The following ZNF878 variants were observed in gnomAD, a reference collection of about 807,000 sequenced individuals.
ZNF878 encodes zinc finger protein 878.
Under a neutral mutation model 11.1 loss-of-function variants are expected in ZNF878, and 10 were observed. The ratio of observed to expected loss-of-function variants is 0.90; its 90% CI spans 0.56 to 1.53. The LOEUF (loss-of-function observed/expected upper bound fraction) is 1.53. ZNF878 is among the 40% of genes most tolerant of loss of function. The pLI, the probability that ZNF878 is intolerant of heterozygous loss-of-function variation, is 0.00. For missense variants in ZNF878, 548 were observed against 626.1 expected, an observed-to-expected ratio of 0.88 and a Z score of 1.33; for synonymous variants, 165 against 209.7, an observed-to-expected ratio of 0.79 and a Z score of 1.84.
At chr19:12,052,665 C>G (rs1975562868) in intron 1 of ZNF878, 134 bp downstream of exon 1, 1 of 1,126,094 alleles carries the variant, frequency 8.9e-7, no homozygotes, top group South Asian at 1.9e-5. Flanking sequence ...GACCGAGGGC[C>G]GAGCTGCGCT....
At position 12,044,702 on chromosome 19, in the gene ZNF878, C is replaced by T; in HGVS notation, c.699G>A (p.Gly233=). The T allele has an allele frequency of 6.2e-7, 1 of 1,614,020 alleles. No individual in the cohort carries two copies. The highest frequency in any genetic ancestry group is 8.5e-7 in the Non-Finnish European group (1 of 1,180,008). Residue 233 remains glycine, a synonymous_variant, in exon 4 of 4, where the codon GGG becomes GGA. Transcript: ENST00000547628. ...GERPHKCNIC[G]KAFFSPSSLK... ...ACGAACTGGGAGAAAAAAAGGCTTT[C>T]CCACATATGTTACATTTATGAGGTC... is the stretch of plus-strand genomic sequence containing the variant.
In ZNF878 at chr19:12,044,457, A is replaced by C; in HGVS notation, c.944T>G (p.Leu315Arg). 6.3e-7 allele frequency: 1 copy of C among 1,596,650 alleles called. No individual in the cohort carries two copies. Among genetic ancestry groups the C allele is most frequent in the Non-Finnish European group, 8.5e-7 (1 of 1,173,446 alleles). ...HTGEKPYECK[L>R]CGKGFISSTS... ...GGAAGAAATAAATCCCTTACCACAT[A>C]GCTTACACTCATAGGGTTTCTCTCC... The change falls in exon 4 of 4, where the codon CTA (leucine) becomes CGA (arginine). Residue 315 changes from leucine to arginine, a missense_variant. Physicochemically the swap from Leu to Arg is moderately radical, Grantham distance 102 (BLOSUM62 -2). Around this residue, in one of 3 missense-constraint regions of ZNF878, gnomAD observed 335 missense variants for 358.2 expected, o/e 0.94. Coordinates refer to ENST00000547628, the MANE Select transcript of ZNF878 (RefSeq NM_001080404.3).
Position 12,049,013 on chromosome 19 carries a change from T to C in ZNF878, c.4-2253A>G, listed in dbSNP as rs551870464. ...TAAAAATTAGCTGGGTGTGGTGGTA[T>C]GCACCTGTAGTCCCAGCTACTCGGG... On this transcript the variant is annotated intron_variant, in intron 1 of 3. Transcript: ENST00000547628. Among the ~76,000 whole-genome samples, 3 of 150,424 alleles carry C rather than the reference T, an allele frequency of 2.0e-5. No individual in the cohort carries two copies. The South Asian group carries it at 6.3e-4, about 32-fold the overall frequency.
chr19:12,052,898 G>C lies in ZNF878; in HGVS notation c.-97C>G. The stretch of plus-strand genomic sequence containing the variant: ...CAGAGCAACAGCAGCTACGGCGGAA[G>C]TAACTGGTCCCTCTCGGAGCAAGAA... On this transcript the variant is annotated 5_prime_UTR_variant, in exon 1 of 4. Coordinates refer to ENST00000547628, the MANE Select transcript of ZNF878 (RefSeq NM_001080404.3). 2 of 1,502,168 alleles carry C rather than the reference G, an allele frequency of 1.3e-6. No individual in the cohort carries two copies. The highest frequency in any genetic ancestry group is 1.8e-6 in the Non-Finnish European group (2 of 1,118,076). 93.1% of individuals were successfully genotyped at this position (1,502,168 alleles called of 1,614,324 possible).
In ZNF878 at chr19:12,044,430, G is replaced by A. The variant is rs1477423802; in HGVS notation, c.971C>T (p.Thr324Ile). Residue 324 changes from threonine to isoleucine, a missense_variant, in exon 4 of 4, where the codon ACT becomes ATT. Transcript: ENST00000547628. The stretch of plus-strand genomic sequence containing the variant: ...AGTCTTTTCATGATAGCGAAAGGAA[G>A]TGGAAGAAATAAATCCCTTACCACA... ...KLCGKGFISSTSFRYHEKTHT... is the reference protein window; with the variant it reads ...KLCGKGFISSISFRYHEKTHT... The A allele has an allele frequency of 6.2e-7, 1 of 1,613,218 alleles. No individual in the cohort carries two copies.
chr19:12,044,826 A>G lies in ZNF878; in HGVS notation c.575T>C (p.Ile192Thr), dbSNP rs2145519350. ...TTCATAGGGTTTTTTTGCAGAGTGGATTCTTTCATGTCTACGAACAGAACT... is the reference window on the plus strand; with the variant it reads ...TTCATAGGGTTTTTTTGCAGAGTGGGTTCTTTCATGTCTACGAACAGAACT... ...FPSSVRRHER[I>T]HSAKKPYECK... Residue 192 changes from isoleucine to threonine, a missense_variant, in exon 4 of 4, where the codon ATC (isoleucine) becomes ACC (threonine). Coordinates refer to ENST00000547628, the MANE Select transcript of ZNF878 (RefSeq NM_001080404.3). 1 of 1,613,996 alleles carries G rather than the reference A, an allele frequency of 6.2e-7. No homozygotes were observed. The highest frequency in any genetic ancestry group is 2.2e-5 in the East Asian group (1 of 44,884).
At chr19:12,051,335 T>C (rs1975550050) in intron 1 of ZNF878, among the ~76,000 whole-genome samples, 1 of 152,152 alleles carries the variant, frequency 6.6e-6, no homozygotes, top group African/African-American at 2.4e-5. Flanking sequence ...CTAAATTGTA[T>C]AATTAATTTA....
chr19:12,052,961 T>G lies in ZNF878; in HGVS notation c.-160A>C, dbSNP rs959193261. 2 of 1,327,868 alleles carry G rather than the reference T, an allele frequency of 1.5e-6. No individual in the cohort carries two copies. The allele number at this position is 1,327,868 out of a possible 1,614,324, so 82.3% of individuals were successfully genotyped here. A position where few individuals can be genotyped will look rare whatever the true frequency, so the allele number is the denominator to read the frequency against. ...TAACTAGCGCGAGCAGCCCTAGGAG[T>G]GAAGAGAGCGGGAATGCAACCTCCC... On this transcript the variant is annotated 5_prime_UTR_variant, in exon 1 of 4. Transcript: ENST00000547628.
At chr19:12,048,499 C>A (rs1383966890) in intron 1 of ZNF878, among the ~76,000 whole-genome samples, 1 of 146,938 alleles carries the variant, frequency 6.8e-6, no homozygotes, top group African/African-American at 2.5e-5. Flanking sequence ...GCCTGGGCGA[C>A]TGAACGAGAC....
intron 1 of ZNF878, among the ~76,000 whole-genome samples, chr19:12,050,338 A>G (rs903691402): frequency 1.3e-5 from 2 of 152,330 alleles, no homozygotes; most frequent in South Asian, 4.1e-4. Flanking sequence ...ATAAATTTCT[A>G]ATCTGTGGCC....
intron 1 of ZNF878, among the ~76,000 whole-genome samples, chr19:12,051,632 C>A (rs960861368): frequency 4.6e-5 from 7 of 152,014 alleles, no homozygotes; most frequent in African/African-American, 1.7e-4. Context: ...ATTGGCCGGG[C>A]GCAGTGGCTC....
chr19:12,046,519 G>T lies in ZNF878; in HGVS notation c.131-91C>A, dbSNP rs4804176. On this transcript the variant is annotated intron_variant, in intron 2 of 3. Coordinates refer to ENST00000547628, the MANE Select transcript of ZNF878 (RefSeq NM_001080404.3). ...TCTATGTCCATGGCTCATTGCACCT[G>T]TGTCTCATTTATTCAAAGTATTCCC... The T allele has an allele frequency of 3.9e-6, 6 of 1,556,926 alleles. No homozygotes were observed. In the East Asian group the frequency reaches 1.4e-4, roughly 35 times the overall value.
In ZNF878 at chr19:12,049,213, G is replaced by A. The variant is rs534779943; in HGVS notation, c.4-2453C>T. Among the ~76,000 whole-genome samples the A allele has an allele frequency of 1.5e-4, 22 of 151,214 alleles. No homozygotes were observed. In the South Asian group the frequency reaches 3.3e-3, roughly 23 times the overall value. On this transcript the variant is annotated intron_variant, in intron 1 of 3. Coordinates refer to ENST00000547628, the MANE Select transcript of ZNF878 (RefSeq NM_001080404.3). ...AGGCTGGGTGCGGTGGCTCATGTCT[G>A]TAATTCCAGCACTTTGGGAGGTGGA...
rs1467368253 is a variant in ZNF878 at position 12,045,154 on chromosome 19, C to A, written c.247G>T (p.Val83Phe). ...ESKESHQHGE[V>F]LTQVPDDTLK... ...GTGTCATCTGGAACCTGTGTCAAAA[C>A]TTCTCCATGCTGATGACTTTCTTTA... The change falls in exon 4 of 4, where the codon GTT becomes TTT. Residue 83 changes from valine (V) to phenylalanine (F), a missense_variant. Val to Phe is a conservative substitution (Grantham distance 50). Around this residue, in one of 3 missense-constraint regions of ZNF878, gnomAD observed 160 missense variants for 173.3 expected, o/e 0.92. Transcript: ENST00000547628. 1 of 1,612,562 alleles carries A rather than the reference C, an allele frequency of 6.2e-7. No homozygotes were observed. Among genetic ancestry groups the A allele is most frequent in the Non-Finnish European group, 8.5e-7 (1 of 1,179,260 alleles).
chr19:12,052,721 G>T lies in ZNF878; in HGVS notation c.3+78C>A. ...CCAGAGTCGCTGCAGGGGGGCCCGG[G>T]CCCCGCCACAGCGGGTTCCTCTCGG... On this transcript the variant is annotated intron_variant, in intron 1 of 3. Coordinates refer to ENST00000547628, the MANE Select transcript of ZNF878 (RefSeq NM_001080404.3). The T allele has an allele frequency of 5.3e-6, 8 of 1,520,360 alleles. No individual in the cohort carries two copies. The Admixed American group carries it at 8.0e-5, about 15-fold the overall frequency. The allele number at this position is 1,520,360 out of a possible 1,614,324, so 94.2% of individuals were successfully genotyped here. A position where few individuals can be genotyped will look rare whatever the true frequency, so the allele number is the denominator to read the frequency against.
At position 12,052,954 on chromosome 19, in the gene ZNF878, C is replaced by A. The variant is rs1467010914; in HGVS notation, c.-153G>T. ...CAGACCTTAACTAGCGCGAGCAGCC[C>A]TAGGAGTGAAGAGAGCGGGAATGCA... On this transcript the variant is annotated 5_prime_UTR_variant, in exon 1 of 4. The change creates a new upstream start codon in the 5' untranslated region. Coordinates refer to ENST00000547628, the MANE Select transcript of ZNF878 (RefSeq NM_001080404.3). 26 of 1,346,524 alleles carry A rather than the reference C, an allele frequency of 1.9e-5. No homozygotes were observed. Among genetic ancestry groups the A allele is most frequent in the Non-Finnish European group, 2.6e-5 (26 of 996,296 alleles). 83.4% of individuals were successfully genotyped at this position (1,346,524 alleles called of 1,614,324 possible).
At chr19:12,051,966 G>A (rs1322020561) in intron 1 of ZNF878, among the ~76,000 whole-genome samples, 3 of 152,160 alleles carry the variant, frequency 2.0e-5, no homozygotes, top group Admixed American at 6.5e-5. Context: ...GGCGGGGACT[G>A]GGATGGAATA....
At chr19:12,046,574 T>C (rs1975490939) in intron 2 of ZNF878, 60 bp downstream of exon 2, 6 of 1,611,006 alleles carry the variant, frequency 3.7e-6, no homozygotes, top group Non-Finnish European at 5.1e-6. Context: ...TCAACAGCAC[T>C]GATGAGCTAG....
In ZNF878 at chr19:12,043,978, C is replaced by T; in HGVS notation, c.1423G>A (p.Gly475Arg). Residue 475 changes from glycine (G) to arginine (R), a missense_variant, in exon 4 of 4, where the codon GGA (glycine) becomes AGA (arginine). Transcript: ENST00000547628. ...SIRYHKRTHT[G>R]EKPYKCKQCG... ...TGTTTACATTTATAGGGTTTCTCTCCAGTGTGAGTCCTTTTATGATAGCGA... is the reference window on the plus strand; with the variant it reads ...TGTTTACATTTATAGGGTTTCTCTCTAGTGTGAGTCCTTTTATGATAGCGA... The T allele has an allele frequency of 6.2e-7, 1 of 1,610,836 alleles. No homozygotes were observed. Among genetic ancestry groups the T allele is most frequent in the Non-Finnish European group, 8.5e-7 (1 of 1,177,734 alleles).
Sources: allele counts gnomAD v4.1 joint callset (sites outside exome capture counted in the v4.1 genomes callset), GRCh38; gene constraint gnomAD v4.1.1; regional missense constraint gnomAD v4.1.1; transcripts MANE v1.5; gene names NCBI Gene and HGNC (gene_info 2026-07-23, HGNC 2026-07-21).